The following ATAD2 variants were observed in gnomAD, a reference collection of about 807,000 sequenced individuals.
The protein encoded by ATAD2 is ATPase family AAA domain-containing protein 2.
A neutral mutation model predicts 168.9 loss-of-function variants in ATAD2; 62 were observed. The ratio of observed to expected loss-of-function variants is 0.37; its 90% CI spans 0.30 to 0.45. ATAD2 has a LOEUF of 0.45. Among genes scored for constraint, ATAD2 ranks in the 20% least tolerant of loss-of-function variants. The pLI is 1.00. For synonymous variants in ATAD2, 613 were observed against 571.6 expected, an observed-to-expected ratio of 1.07 and a Z score of -1.03; for missense variants, 1,419 against 1,667.8, an observed-to-expected ratio of 0.85 and a Z score of 2.60.
At chr8:123,385,794 CAT>C (rs557590050) in intron 1 of ATAD2, among the ~76,000 whole-genome samples, 5 of 151,884 alleles carry the variant, frequency 3.3e-5, no homozygotes, top group Non-Finnish European at 5.9e-5. Context: ...CACACACACA[CAT>C]ATATACACGC....
chr8:123,369,922 TCA>T lies in ATAD2; in HGVS notation c.828_829del (p.Asp276GlufsTer2). 1 of 1,547,346 alleles carries T rather than the reference TCA, an allele frequency of 6.5e-7. No individual in the cohort carries two copies. Among genetic ancestry groups the T allele is most frequent in the Non-Finnish European group, 8.8e-7 (1 of 1,133,354 alleles). ...ATCTTCTTCATCTTCATCATCTTCA[TCA>T]TCATCATCATCATCATCATCGTCAT... On this transcript the variant is annotated frameshift_variant, in exon 7 of 28. Transcript: ENST00000287394. LOFTEE classifies it high-confidence loss of function.
At chr8:123,389,960 T>TTATATATATATATATA (rs386360951) in intron 1 of ATAD2, among the ~76,000 whole-genome samples, 49 of 94,046 alleles carry the variant, frequency 5.2e-4, no homozygotes, top group Non-Finnish European at 7.2e-4. Context: ...TACTATTATT[T>TTATATATATATATATA]TATATATATA....
intron 1 of ATAD2, among the ~76,000 whole-genome samples, chr8:123,413,227 C>A (rs963600919): frequency 7.6e-4 from 12 of 15,794 alleles, no homozygotes; most frequent in South Asian, 4.6e-3. Flanking sequence ...AATGAGCGCC[C>A]CCCCCCCCCC....
At chr8:123,339,525 T>C in intron 19 of ATAD2, 79 bp from the exon 20 acceptor site, 2 of 1,328,814 alleles carry the variant, frequency 1.5e-6, no homozygotes, top group Non-Finnish European at 2.1e-6. Flanking sequence ...TTACAATTTT[T>C]AGACTTTACA....
At chr8:123,343,832 A>G (rs1359585340) in intron 19 of ATAD2, among the ~76,000 whole-genome samples, 1 of 152,166 alleles carries the variant, frequency 6.6e-6, no homozygotes, top group African/African-American at 2.4e-5. Context: ...GCTATTATTG[A>G]GAAACTCTGA....
chr8:123,410,975 G>A (rs1180026940), intron 1 of ATAD2, among the ~76,000 whole-genome samples: 3 of 152,170 alleles, frequency 2.0e-5, no homozygotes, highest in Non-Finnish European at 1.5e-5. Flanking sequence ...GTTCTCTTCC[G>A]TGACCCACGG....
Position 123,344,892 on chromosome 8 carries a change from G to T in ATAD2, c.2710C>A (p.Pro904Thr). Residue 904 changes from proline to threonine, a missense_variant, in exon 19 of 28, where the codon CCA (proline) becomes ACA (threonine). Physicochemically the swap from Pro to Thr is conservative, Grantham distance 38. This residue lies in a region of ATAD2 where 545 missense variants were observed against 724.9 expected (regional missense o/e 0.75). Coordinates refer to ENST00000287394, the MANE Select transcript of ATAD2 (RefSeq NM_014109.4). ...ATSDKPHSALPEEVQELFIRD... is the reference protein window; with the variant it reads ...ATSDKPHSALTEEVQELFIRD... The stretch of plus-strand genomic sequence containing the variant: ...CGCCCCACATAAATTACCTCTTCTG[G>T]CAAAGCGGAATGGGGTTTGTCAGAA... 6.2e-7 allele frequency: 1 copy of T among 1,613,818 alleles called. No homozygotes were observed. The highest frequency in any genetic ancestry group is 1.1e-5 in the South Asian group (1 of 91,070).
chr8:123,344,380 C>T (rs1828163415), intron 19 of ATAD2: 1 of 142,518 alleles, frequency 7.0e-6, no homozygotes, highest in African/African-American at 2.7e-5. Context: ...CAGAGTCTCG[C>T]TCTGTCGCCC....
intron 13 of ATAD2, among the ~76,000 whole-genome samples, chr8:123,354,888 T>TATATATATATATATATATA (rs1828590688): frequency 3.0e-5 from 4 of 131,330 alleles, no homozygotes; most frequent in African/African-American, 1.2e-4. Context: ...TATATATATA[T>TATATATATATATATATATA]TTGAGATGGC....
intron 1 of ATAD2, among the ~76,000 whole-genome samples, chr8:123,403,377 G>A (rs1297909002): frequency 6.6e-6 from 1 of 151,872 alleles, no homozygotes; most frequent in Non-Finnish European, 1.5e-5. Flanking sequence ...TGGGATTACA[G>A]GCGTGAGCCA....
At chr8:123,359,123 C>T (rs940880132) in intron 11 of ATAD2, 98 bp downstream of exon 11, 5 of 718,512 alleles carry the variant, frequency 7.0e-6, no homozygotes, top group South Asian at 2.2e-5. Context: ...GAAAAGGGAA[C>T]TATCACTTAA....
rs1829467654 is a variant in ATAD2, at chr8:123,380,638, T to C, written c.211A>G (p.Thr71Ala). The C allele has an allele frequency of 6.2e-7, 1 of 1,614,118 alleles. No individual in the cohort carries two copies. The highest frequency in any genetic ancestry group is 8.5e-7 in the Non-Finnish European group (1 of 1,179,994). The stretch of plus-strand genomic sequence containing the variant: ...TTTCTCAAAGATCTTAAAGCACGTG[T>C]CCGGTGGTAGGTTTCAACTTCCTTA... ...SVKEVETYHR[T>A]RALRSLRKDA... is the part of the protein sequence containing the mutation. Residue 71 changes from threonine to alanine, a missense_variant, in exon 2 of 28, where the codon ACA becomes GCA. Physicochemically the swap from Thr to Ala is moderately conservative, Grantham distance 58. Transcript: ENST00000287394.
upstream of ATAD2, among the ~76,000 whole-genome samples, chr8:123,399,341 C>T (rs1441000767): frequency 1.3e-5 from 2 of 152,048 alleles, no homozygotes; most frequent in Admixed American, 6.6e-5. Flanking sequence ...TTAATTGAGC[C>T]CCCATCTTAT....
Position 123,326,046 on chromosome 8 carries a change from GATT to G in ATAD2, c.3869-23_3869-21del. ...ACATTTCTAGAATGAAAAATCAAAT[GATT>G]ATTATTTGGTCCATAGATATTATGA... is the stretch of plus-strand genomic sequence containing the variant. On this transcript the variant is annotated intron_variant, in intron 25 of 27. Coordinates refer to ENST00000287394, the MANE Select transcript of ATAD2 (RefSeq NM_014109.4). The G allele has an allele frequency of 2.5e-6, 4 of 1,611,054 alleles. No individual in the cohort carries two copies. Among genetic ancestry groups the G allele is most frequent in the Non-Finnish European group, 3.4e-6 (4 of 1,178,028 alleles).
chr8:123,335,830 G>C (rs1249396523), intron 22 of ATAD2, among the ~76,000 whole-genome samples: 1 of 152,090 alleles, frequency 6.6e-6, no homozygotes, highest in Non-Finnish European at 1.5e-5. Flanking sequence ...GATGCGATAG[G>C]TGAAAGCAGA....
chr8:123,396,491 G>A (rs1299236029), upstream of ATAD2: 3 of 904,280 alleles, frequency 3.3e-6, no homozygotes, highest in East Asian at 2.8e-5. Context: ...CGCGCGCCCA[G>A]AATCCCTCCG....
rs781191752 is a variant in ATAD2 at position 123,334,031 on chromosome 8, A to G, written c.3335-10T>C. On this transcript the variant is annotated splice_polypyrimidine_tract_variant and intron_variant, in intron 23 of 27. Transcript: ENST00000287394. ...TTGGAGGAGCTACAACCTTATAAATAGATATGTGGGATGTCAAAAGGATTT... is the reference window on the plus strand; with the variant it reads ...TTGGAGGAGCTACAACCTTATAAATGGATATGTGGGATGTCAAAAGGATTT... 4 of 1,600,410 alleles carry G rather than the reference A, an allele frequency of 2.5e-6. No individual in the cohort carries two copies. In the Admixed American group the frequency reaches 6.9e-5, roughly 28 times the overall value.
chr8:123,383,227 G>A (rs892505789), intron 1 of ATAD2, among the ~76,000 whole-genome samples: 1 of 152,096 alleles, frequency 6.6e-6, no homozygotes, highest in African/African-American at 2.4e-5. Flanking sequence ...GATAGCATTA[G>A]GAGAAATACC....
At chr8:123,330,505 A>G (rs1827748904) in intron 24 of ATAD2, among the ~76,000 whole-genome samples, 1 of 151,964 alleles carries the variant, frequency 6.6e-6, no homozygotes, top group Admixed American at 6.6e-5. Context: ...GCTGGACTAC[A>G]GGTGCCGCCA....
Sources: gnomAD v4.1 joint callset for allele counts (sites outside exome capture counted in the v4.1 genomes callset) on GRCh38, gnomAD v4.1.1 for gene constraint, gnomAD v4.1.1 regional missense constraint, MANE v1.5 for transcripts, NCBI Gene and HGNC (gene_info 2026-07-23, HGNC 2026-07-21) for gene names.